Variants in LDHAL6A observed in about 807,000 individuals in gnomAD.
The protein encoded by LDHAL6A is lactate dehydrogenase A like 6A.
LDHAL6A carries 19 observed loss-of-function variants against 28.2 expected under a neutral mutation model. That is an observed-to-expected ratio of 0.67 (90% CI 0.47 to 0.99). LDHAL6A has a LOEUF of 0.99. Among genes scored for constraint, LDHAL6A ranks in the 50% least tolerant of loss-of-function variants. The probability of loss-of-function intolerance (pLI) is 0.00; values close to 1 mark genes in which losing one functional copy is unlikely to be tolerated. For synonymous variants in LDHAL6A, 144 were observed against 134.4 expected (o/e 1.07, Z -0.49); for missense variants, 372 against 398.6 (o/e 0.93, Z 0.57).
intron 1 of LDHAL6A, among the ~76,000 whole-genome samples, chr11:18,461,246 G>T (rs575704623): frequency 6.6e-6 from 1 of 151,914 alleles, no homozygotes; most frequent in African/African-American, 2.4e-5. Context: ...CTGGGTTCAA[G>T]CGATTCATCT....
intron 3 of LDHAL6A, chr11:18,468,848 T>A: frequency 5.1e-6 from 1 of 195,038 alleles, no homozygotes. Context: ...TGAGATTTAT[T>A]TATATATTTA....
In LDHAL6A at chr11:18,456,571, C is replaced by A; in HGVS notation, c.-110C>A. 1 of 940,618 alleles carries A rather than the reference C, an allele frequency of 1.1e-6. No homozygotes were observed. Among genetic ancestry groups the A allele is most frequent in the Non-Finnish European group, 1.6e-6 (1 of 609,266 alleles). The allele number at this position is 940,618 out of a possible 1,614,324, so 58.3% of individuals were successfully genotyped here. Reference sequence around the variant, plus strand: ...TGCAGCACCTCCTTCCACACGGGCCCAGGAGTTCTCTATACGCGCTCTCAC... The same window carrying A: ...TGCAGCACCTCCTTCCACACGGGCCAAGGAGTTCTCTATACGCGCTCTCAC... On this transcript the variant is annotated 5_prime_UTR_variant, in exon 1 of 7. Transcript: ENST00000280706.
rs1224381378 is a variant in LDHAL6A at position 18,476,337 on chromosome 11, CT to C, written c.593-46del. 12 of 1,590,102 alleles carry C rather than the reference CT, an allele frequency of 7.5e-6. No individual in the cohort carries two copies. The Admixed American group carries it at 2.0e-4, about 26-fold the overall frequency. On this transcript the variant is annotated intron_variant, in intron 4 of 6. Transcript: ENST00000280706. ...TTTGCTGAGGTCAAAAACCAAAACC[CT>C]GCTAATACCATGTAAGAAGTGGGAT...
chr11:18,465,914 G>A, intron 3 of LDHAL6A, 104 bp downstream of exon 3: 5 of 909,034 alleles, frequency 5.5e-6, no homozygotes, highest in Non-Finnish European at 5.1e-6. Context: ...GGGTAGGATT[G>A]ATCCTGCCAC....
At chr11:18,461,885 G>C (rs1379603954) in intron 1 of LDHAL6A, among the ~76,000 whole-genome samples, 1 of 151,500 alleles carries the variant, frequency 6.6e-6, no homozygotes, top group East Asian at 1.9e-4. Context: ...ACTAGGCTGG[G>C]CATGGGCTCA....
chr11:18,470,208 A>G (rs1849224536), intron 3 of LDHAL6A, among the ~76,000 whole-genome samples: 1 of 152,204 alleles, frequency 6.6e-6, no homozygotes, highest in Non-Finnish European at 1.5e-5. Flanking sequence ...TATAGGCGTG[A>G]GCCACCGCGT....
chr11:18,469,034 T>C (rs1045518440), intron 3 of LDHAL6A: 3 of 408,242 alleles, frequency 7.3e-6, no homozygotes, highest in Non-Finnish European at 8.7e-6. Context: ...TGATACATTA[T>C]CACATTGTAC....
At chr11:18,465,885 T>C (rs1269327605) in intron 3 of LDHAL6A, 75 bp downstream of exon 3, 3 of 1,152,636 alleles carry the variant, frequency 2.6e-6, no homozygotes, top group East Asian at 2.4e-5. Flanking sequence ...ATGAGTATAC[T>C]GTGTGATGCT....
Position 18,476,407 on chromosome 11 carries a change from A to G in LDHAL6A, c.616A>G (p.Ile206Val), listed in dbSNP as rs1849384266. 3 of 1,614,080 alleles carry G rather than the reference A, an allele frequency of 1.9e-6. No homozygotes were observed. Among genetic ancestry groups the G allele is most frequent in the Non-Finnish European group, 2.5e-6 (3 of 1,179,980 alleles). ...SSVPVWSGVN[I>V]AGVPLKDLNP... is the part of the protein sequence containing the mutation. The stretch of plus-strand genomic sequence containing the variant: ...AGTTCCTGTGTGGAGTGGTGTGAAC[A>G]TTGCTGGCGTCCCTCTGAAGGATCT... Residue 206 changes from isoleucine to valine, a missense_variant, in exon 5 of 7, where the codon ATT becomes GTT. Physicochemically the swap from Ile to Val is conservative, Grantham distance 29. Transcript: ENST00000280706.
At chr11:18,466,818 C>T (rs1382087983) in intron 3 of LDHAL6A, among the ~76,000 whole-genome samples, 1 of 152,126 alleles carries the variant, frequency 6.6e-6, no homozygotes, top group Non-Finnish European at 1.5e-5. Context: ...GTACTAGACT[C>T]CTCACTGGTG....
chr11:18,457,282 C>T (rs1213574422), intron 1 of LDHAL6A, among the ~76,000 whole-genome samples: 1 of 152,034 alleles, frequency 6.6e-6, no homozygotes, highest in Non-Finnish European at 1.5e-5. Context: ...TAGTGTTTAG[C>T]TGTTCTTAGT....
rs561559093 is a variant in LDHAL6A at position 18,456,616 on chromosome 11, A to G, written c.-65A>G. On this transcript the variant is annotated 5_prime_UTR_variant, in exon 1 of 7. Coordinates refer to ENST00000280706, the MANE Select transcript of LDHAL6A (RefSeq NM_144972.5). Reference sequence around the variant, plus strand: ...TCTCACCGCAGGTCTTGGAATTCCAAGCCATTTCCAATTCCAGGTCTTGGA... The same window carrying G: ...TCTCACCGCAGGTCTTGGAATTCCAGGCCATTTCCAATTCCAGGTCTTGGA... 1.6e-3 allele frequency: 2,470 copies of G among 1,535,374 alleles called. 7 individuals are homozygous for G. The highest frequency in any genetic ancestry group is 7.0e-3 in the Middle Eastern group (41 of 5,892).
intron 5 of LDHAL6A, among the ~76,000 whole-genome samples, chr11:18,477,105 C>T (rs892588666): frequency 1.3e-5 from 2 of 151,356 alleles, no homozygotes; most frequent in South Asian, 4.2e-4. Context: ...CCCAGGAGGT[C>T]GAGGTGAGCT....
In LDHAL6A at chr11:18,456,145, G is replaced by C. The variant is rs982090040; in HGVS notation, c.-536G>C. 1 of 155,180 alleles carries C rather than the reference G, an allele frequency of 6.4e-6. No individual in the cohort carries two copies. Among genetic ancestry groups the C allele is most frequent in the Non-Finnish European group, 1.4e-5 (1 of 70,300 alleles). The allele number at this position is 155,180 out of a possible 1,614,324, so 9.6% of individuals were successfully genotyped here. On this transcript the variant is annotated 5_prime_UTR_variant, in exon 1 of 7. Coordinates refer to ENST00000280706, the MANE Select transcript of LDHAL6A (RefSeq NM_144972.5). Reference sequence around the variant, plus strand: ...GCCAGAGAGCGGGCGCCGCGGGAGCGAATTGTTTTTGCCCAAGGATGGTTC... The same window carrying C: ...GCCAGAGAGCGGGCGCCGCGGGAGCCAATTGTTTTTGCCCAAGGATGGTTC...
intron 3 of LDHAL6A, among the ~76,000 whole-genome samples, chr11:18,473,233 T>C (rs1849292102): frequency 6.6e-6 from 1 of 152,256 alleles, no homozygotes; most frequent in Non-Finnish European, 1.5e-5. Context: ...GATAGCAAGG[T>C]ATTCAGTTTT....
At chr11:18,478,559 CAA>C in intron 6 of LDHAL6A, 145 bp from the exon 7 acceptor site, 14 of 522,024 alleles carry the variant, frequency 2.7e-5, no homozygotes, top group Admixed American at 3.8e-5. Context: ...GAGTCCGTCT[CAA>C]AAAAAAAAGA....
intron 1 of LDHAL6A, among the ~76,000 whole-genome samples, chr11:18,462,215 G>A (rs1204105109): frequency 6.6e-6 from 1 of 151,846 alleles, no homozygotes; most frequent in Non-Finnish European, 1.5e-5. Flanking sequence ...ATACATACAA[G>A]GCCGGGCGCG....
chr11:18,457,922 C>T (rs1289954740), intron 1 of LDHAL6A, among the ~76,000 whole-genome samples: 1 of 152,052 alleles, frequency 6.6e-6, no homozygotes, highest in Non-Finnish European at 1.5e-5. Context: ...AAATATTAGA[C>T]CTACTTTTTA....
chr11:18,466,545 T>C (rs1849079086), intron 3 of LDHAL6A, among the ~76,000 whole-genome samples: 1 of 150,642 alleles, frequency 6.6e-6, no homozygotes, highest in Non-Finnish European at 1.5e-5. Flanking sequence ...TCCCAGCTAC[T>C]CAGGAGGCTG....
Sources: gnomAD v4.1 joint callset for allele counts (sites outside exome capture counted in the v4.1 genomes callset) on GRCh38, gnomAD v4.1.1 for gene constraint, MANE v1.5 for transcripts, NCBI Gene and HGNC (gene_info 2026-07-23, HGNC 2026-07-21) for gene names.